CCDC149: variants seen among roughly 807,000 people sequenced by gnomAD.
CCDC149 encodes the protein coiled-coil domain-containing protein 149.
CCDC149 carries 45 observed loss-of-function variants against 59.9 expected under a neutral mutation model. That is an observed-to-expected ratio of 0.75 (90% CI 0.59 to 0.96). The LOEUF (loss-of-function observed/expected upper bound fraction) is 0.96, where lower values mean the gene tolerates loss of function less well. Among genes scored for constraint, CCDC149 ranks in the 40% least tolerant of loss-of-function variants. The probability of loss-of-function intolerance (pLI) is 0.00; values close to 1 mark genes in which losing one functional copy is unlikely to be tolerated. For missense variants in CCDC149, 584 were observed against 664.7 expected, an observed-to-expected ratio of 0.88 and a Z score of 1.33; for synonymous variants, 245 against 260.6, an observed-to-expected ratio of 0.94 and a Z score of 0.58.
intron 4 of CCDC149, among the ~76,000 whole-genome samples, chr4:24,850,132 T>C (rs997272356): frequency 6.6e-6 from 1 of 152,270 alleles, no homozygotes; most frequent in Admixed American, 6.5e-5. Context: ...TTGCATACTT[T>C]TTTTTTCTTT....
chr4:24,944,254 A>G (rs929709323), intron 1 of CCDC149, among the ~76,000 whole-genome samples: 5 of 152,228 alleles, frequency 3.3e-5, no homozygotes, highest in African/African-American at 9.6e-5. Flanking sequence ...TTGTAGGGAC[A>G]TGGATGAAGC....
At chr4:24,853,587 CAAAAAAAA>C (rs11291619) in intron 3 of CCDC149, among the ~76,000 whole-genome samples, 1 of 92,366 alleles carries the variant, frequency 1.1e-5, no homozygotes, top group African/African-American at 3.6e-5. Context: ...GACTCCATTT[CAAAAAAAA>C]AAAAAAAAAA....
At chr4:24,914,134 G>A (rs1294718112), upstream of CCDC149, among the ~76,000 whole-genome samples, 1 of 152,092 alleles carries the variant, frequency 6.6e-6, no homozygotes, top group African/African-American at 2.4e-5. Context: ...TATTAGATGG[G>A]GAAACTGAGG....
chr4:24,972,285 C>G (rs1030023861), intron 1 of CCDC149, among the ~76,000 whole-genome samples: 2 of 108,882 alleles, frequency 1.8e-5, no homozygotes, highest in Non-Finnish European at 3.8e-5. Context: ...TAAATTCTGA[C>G]CTTTTTCTTT....
intron 4 of CCDC149, among the ~76,000 whole-genome samples, chr4:24,840,358 A>G (rs1018189749): frequency 4.6e-5 from 7 of 152,212 alleles, no homozygotes; most frequent in African/African-American, 1.7e-4. Flanking sequence ...TCTGGTTATA[A>G]GCGATCCTCA....
intron 1 of CCDC149, among the ~76,000 whole-genome samples, chr4:24,967,528 C>T (rs762192882): frequency 2.2e-4 from 33 of 151,914 alleles, no homozygotes; most frequent in Admixed American, 1.1e-3. Context: ...ACTTGGCCAA[C>T]GCATTTTTCT....
At chr4:24,936,009 T>A (rs1722729910) in intron 1 of CCDC149, among the ~76,000 whole-genome samples, 1 of 151,842 alleles carries the variant, frequency 6.6e-6, no homozygotes, top group Non-Finnish European at 1.5e-5. Context: ...CCATGGAAAG[T>A]GGATGTGTCA....
chr4:24,937,506 C>G (rs374737194), intron 1 of CCDC149, among the ~76,000 whole-genome samples: 3 of 152,224 alleles, frequency 2.0e-5, no homozygotes, highest in African/African-American at 7.2e-5. Flanking sequence ...AAACCCATAT[C>G]TCAAAGGCCT....
chr4:24,887,439 C>T (rs1045612863), intron 1 of CCDC149, among the ~76,000 whole-genome samples: 2 of 152,090 alleles, frequency 1.3e-5, no homozygotes, highest in African/African-American at 4.8e-5. Flanking sequence ...ACAGACATGG[C>T]CAAAGAGTTC....
chr4:24,817,608 A>C (rs1715099316), intron 12 of CCDC149, among the ~76,000 whole-genome samples: 2 of 151,864 alleles, frequency 1.3e-5, no homozygotes. Flanking sequence ...AGCAACAACT[A>C]TGCATTATTT....
chr4:24,839,140 C>T (rs1451266300), intron 4 of CCDC149, among the ~76,000 whole-genome samples: 1 of 151,130 alleles, frequency 6.6e-6, no homozygotes, highest in Admixed American at 6.6e-5. Context: ...GTGTGTATTT[C>T]GGTGATGGTG....
Position 24,884,248 on chromosome 4 carries a change from T to C in CCDC149, c.64-7551A>G, listed in dbSNP as rs191111481. Among the ~76,000 whole-genome samples, 1,192 of 152,352 alleles carry C rather than the reference T, an allele frequency of 7.8e-3. 14 individuals carry two copies. Among genetic ancestry groups the C allele is most frequent in the South Asian group, 0.021 (99 of 4,822 alleles). On this transcript the variant is annotated intron_variant, in intron 1 of 12. Coordinates refer to ENST00000635206, the MANE Select transcript of CCDC149 (RefSeq NM_001330643.2). ...ACTGCACCTTTTCTATATTTAGATA[T>C]GTTTAAATACACAAACATTTACCAC... is the stretch of plus-strand genomic sequence containing the variant.
intron 1 of CCDC149, among the ~76,000 whole-genome samples, chr4:24,884,808 A>G (rs1365647205): frequency 1.3e-5 from 2 of 152,240 alleles, no homozygotes; most frequent in Non-Finnish European, 2.9e-5. Context: ...AGTGTGTTGT[A>G]TGCATGTTAA....
intron 7 of CCDC149, 135 bp from the exon 8 acceptor site, chr4:24,835,167 C>T (rs1473500242): frequency 3.5e-6 from 2 of 574,910 alleles, no homozygotes; most frequent in Non-Finnish European, 3.1e-6. Context: ...TTTAGAATTC[C>T]AAGTCTACGC....
chr4:24,841,090 G>A (rs1436353395), intron 4 of CCDC149, among the ~76,000 whole-genome samples: 2 of 152,118 alleles, frequency 1.3e-5, no homozygotes, highest in South Asian at 2.1e-4. Flanking sequence ...TCCAAAAGTG[G>A]ATACACAGGA....
intron 1 of CCDC149, among the ~76,000 whole-genome samples, chr4:24,965,874 T>G (rs900976551): frequency 1.3e-5 from 2 of 152,244 alleles, no homozygotes; most frequent in East Asian, 3.8e-4. Flanking sequence ...CCGCACGTTA[T>G]GTAACCATGC....
intron 3 of CCDC149, among the ~76,000 whole-genome samples, chr4:24,860,413 C>T (rs1718304078): frequency 6.6e-6 from 1 of 152,170 alleles, no homozygotes; most frequent in African/African-American, 2.4e-5. Context: ...GAAATTGGAT[C>T]CTCATCTCTC....
chr4:24,843,354 G>C (rs1037937985), intron 4 of CCDC149, among the ~76,000 whole-genome samples: 11 of 152,250 alleles, frequency 7.2e-5, no homozygotes, highest in Middle Eastern at 3.4e-3. Context: ...GCACCAAAAG[G>C]CATTTATTAA....
intron 1 of CCDC149, among the ~76,000 whole-genome samples, chr4:24,959,824 C>T (rs1283921983): frequency 6.6e-6 from 1 of 152,122 alleles, no homozygotes; most frequent in Non-Finnish European, 1.5e-5. Context: ...CATTTAAAAA[C>T]AAATGCAAAA....
Sources: gnomAD v4.1 joint callset for allele counts (sites outside exome capture counted in the v4.1 genomes callset) on GRCh38, gnomAD v4.1.1 for gene constraint, MANE v1.5 for transcripts, NCBI Gene and HGNC (gene_info 2026-07-23, HGNC 2026-07-21) for gene names.